Variants in TENM2 observed in about 807,000 individuals in gnomAD.
TENM2 encodes the protein teneurin transmembrane protein 2, also known as teneurin-2.
A neutral mutation model predicts 245.2 loss-of-function variants in TENM2; 52 were observed. That is an observed-to-expected ratio of 0.21 (90% CI 0.17 to 0.27). The LOEUF (loss-of-function observed/expected upper bound fraction) is 0.27. TENM2 is among the 10% of genes least tolerant of loss of function. The pLI, the probability that TENM2 is intolerant of heterozygous loss-of-function variation, is 1.00. For synonymous variants in TENM2, 1,363 were observed against 1,438.9 expected (o/e 0.95, Z 1.19); for missense variants, 3,046 against 3,666.8 (o/e 0.83, Z 4.37).
chr5:167,434,065 A>G (rs1474741933), intron 2 of TENM2, among the ~76,000 whole-genome samples: 1 of 152,146 alleles, frequency 6.6e-6, no homozygotes, highest in African/African-American at 2.4e-5. Flanking sequence ...CATTTCAGAT[A>G]TCCTACTACA....
intron 1 of TENM2, among the ~76,000 whole-genome samples, chr5:167,348,109 T>C (rs1351841576): frequency 6.6e-6 from 1 of 152,184 alleles, no homozygotes; most frequent in Non-Finnish European, 1.5e-5. Flanking sequence ...ATTATAGTAG[T>C]CCTGCTCGGA....
In TENM2 at chr5:167,772,439, T is replaced by C. The variant is rs577759927; in HGVS notation, c.503-103547T>C. On this transcript the variant is annotated intron_variant, in intron 2 of 28. Transcript: ENST00000518659. ...TCACACTTATGGCTTGATTAGCTTT[T>C]TTAGGCAGCATGGCTCTCTATTCAT... Among the ~76,000 whole-genome samples, 8 of 152,262 alleles carry C rather than the reference T, an allele frequency of 5.3e-5. No individual in the cohort carries two copies. In the East Asian group the frequency reaches 1.5e-3, roughly 29 times the overall value.
chr5:167,761,992 G>A (rs145807398), intron 2 of TENM2, among the ~76,000 whole-genome samples: 50 of 152,288 alleles, frequency 3.3e-4, no homozygotes, highest in African/African-American at 1.1e-3. Context: ...TGGAACCAGC[G>A]CCTCAGCTAG....
intron 2 of TENM2, among the ~76,000 whole-genome samples, chr5:167,712,693 G>A (rs1422062994): frequency 6.6e-6 from 1 of 151,872 alleles, no homozygotes; most frequent in African/African-American, 2.4e-5. Context: ...AATATCAAAA[G>A]GAAAGAAAAG....
At chr5:168,075,739 G>C (rs765171174) in intron 7 of TENM2, among the ~76,000 whole-genome samples, 15 of 152,152 alleles carry the variant, frequency 9.9e-5, no homozygotes, top group Non-Finnish European at 2.1e-4. Flanking sequence ...CTCGAGACTG[G>C]GTAATTTATA....
chr5:167,832,297 G>A (rs987158025), intron 2 of TENM2, among the ~76,000 whole-genome samples: 2 of 152,188 alleles, frequency 1.3e-5, no homozygotes, highest in African/African-American at 2.4e-5. Flanking sequence ...GCTGCCCAAT[G>A]ATGAATTATT....
exon 29 of TENM2, chr5:168,262,089 A>C (rs761371710): frequency 6.2e-7 from 1 of 1,613,902 alleles, no homozygotes; most frequent in African/African-American, 1.3e-5. Flanking sequence ...AGACATAACC[A>C]GGCCTTCATG....
intron 24 of TENM2, among the ~76,000 whole-genome samples, chr5:168,227,038 C>T (rs1257300366): frequency 3.9e-5 from 6 of 152,132 alleles, no homozygotes; most frequent in Non-Finnish European, 7.4e-5. Context: ...TGTCCTTCTG[C>T]GTGTGACGGC....
chr5:167,915,578 C>A lies in TENM2; in HGVS notation c.713-37010C>A, dbSNP rs185126489. 1.1e-4 allele frequency among the ~76,000 whole-genome samples: 16 copies of A among 152,286 alleles called. 1 individual carries two copies. Among genetic ancestry groups the A allele is most frequent in the Admixed American group, 1.0e-3 (16 of 15,300 alleles). On this transcript the variant is annotated intron_variant, in intron 3 of 28. Coordinates refer to ENST00000518659, the Ensembl canonical transcript of TENM2. Reference sequence around the variant, plus strand: ...GTGGGTCTCACTTTCCCAGCAAAATCTTTTGTTCCCCTGTATCGATTCACC... The same window carrying A: ...GTGGGTCTCACTTTCCCAGCAAAATATTTTGTTCCCCTGTATCGATTCACC...
chr5:167,582,640 T>C (rs542181669), intron 2 of TENM2, among the ~76,000 whole-genome samples: 1 of 152,306 alleles, frequency 6.6e-6, no homozygotes, highest in East Asian at 1.9e-4. Context: ...ATCTATTTGT[T>C]TTAAGCAAAT....
chr5:167,160,809 C>T, the TENM2 span, among the ~76,000 whole-genome samples: 2 of 152,168 alleles, frequency 1.3e-5, no homozygotes, highest in African/African-American at 2.4e-5. Flanking sequence ...TGCAATGTCC[C>T]TCATGCCCAG....
chr5:168,063,573 A>G (rs1281652371), intron 7 of TENM2, among the ~76,000 whole-genome samples: 1 of 152,190 alleles, frequency 6.6e-6, no homozygotes, highest in East Asian at 1.9e-4. Context: ...ATGTGTTGGA[A>G]AGGCAATTCA....
intron 6 of TENM2, among the ~76,000 whole-genome samples, chr5:168,052,406 CCACA>C (rs751687373): frequency 2.7e-5 from 4 of 149,360 alleles, no homozygotes; most frequent in Non-Finnish European, 5.9e-5. Flanking sequence ...ATACACACAC[CCACA>C]CACACACACA....
intron 5 of TENM2, among the ~76,000 whole-genome samples, chr5:168,036,689 A>ATGTG (rs1209582386): frequency 4.2e-5 from 5 of 117,754 alleles, no homozygotes; most frequent in Admixed American, 2.6e-4. Flanking sequence ...ATATATATAT[A>ATGTG]TATATATATA....
chr5:167,153,098 T>TACACACAC, the TENM2 span, among the ~76,000 whole-genome samples: 129 of 147,452 alleles, frequency 8.7e-4, no homozygotes, highest in African/African-American at 3.2e-3. Flanking sequence ...AATGAATACA[T>TACACACAC]ACACACACAC....
At chr5:167,070,699 G>A in the TENM2 span, among the ~76,000 whole-genome samples, 94,498 of 151,758 alleles carry the variant, frequency 0.62, 31,438 homozygotes, top group African/African-American at 0.87. Flanking sequence ...CTAGGATCAT[G>A]TGACTGTTAA....
chr5:167,784,162 C>G (rs2150853915), intron 2 of TENM2, among the ~76,000 whole-genome samples: 1 of 152,294 alleles, frequency 6.6e-6, no homozygotes, highest in Non-Finnish European at 1.5e-5. Flanking sequence ...GAGTCACTGT[C>G]TAATTCAACT....
chr5:167,512,262 A>G (rs1179529959), intron 2 of TENM2, among the ~76,000 whole-genome samples: 1 of 152,198 alleles, frequency 6.6e-6, no homozygotes, highest in Non-Finnish European at 1.5e-5. Context: ...GTAACCAATA[A>G]GAGATCTTAG....
chr5:167,091,997 A>G, the TENM2 span, among the ~76,000 whole-genome samples: 1 of 152,190 alleles, frequency 6.6e-6, no homozygotes, highest in Admixed American at 6.5e-5. Context: ...ATTTAACAGC[A>G]GGTTCTGGTG....
Sources: gnomAD v4.1 joint callset for allele counts (sites outside exome capture counted in the v4.1 genomes callset) on GRCh38, gnomAD v4.1.1 for gene constraint, MANE v1.5 for transcripts, NCBI Gene and HGNC (gene_info 2026-07-23, HGNC 2026-07-21) for gene names.